DGKI: variants seen among roughly 807,000 people sequenced by gnomAD.
DGKI encodes diacylglycerol kinase iota, also known as DAG kinase iota.
Under a neutral mutation model 147.5 loss-of-function variants are expected in DGKI, and 55 were observed. The ratio of observed to expected loss-of-function variants is 0.37; its 90% confidence interval spans 0.30 to 0.47. The LOEUF is 0.47. DGKI is among the 20% of genes least tolerant of loss of function. The pLI is 1.00. For missense variants in DGKI, 1,007 were observed against 1,323.8 expected (o/e 0.76, Z 3.71); for synonymous variants, 469 against 477.1 (o/e 0.98, Z 0.22).
chr7:137,713,268 G>T (rs1202526742), intron 1 of DGKI, among the ~76,000 whole-genome samples: 7 of 152,146 alleles, frequency 4.6e-5, no homozygotes, highest in Non-Finnish European at 7.3e-5. Flanking sequence ...CCTGGCTCCA[G>T]CTTGGAATTA....
At chr7:137,810,559 T>C (rs762225128) in intron 1 of DGKI, among the ~76,000 whole-genome samples, 1 of 152,156 alleles carries the variant, frequency 6.6e-6, no homozygotes, top group Non-Finnish European at 1.5e-5. Context: ...CTATGGATCA[T>C]TGTGTTAGTC....
At chr7:137,531,065 T>C (rs1420918038) in intron 20 of DGKI, among the ~76,000 whole-genome samples, 1 of 152,200 alleles carries the variant, frequency 6.6e-6, no homozygotes, top group African/African-American at 2.4e-5. Context: ...ATACACTCTT[T>C]GTACATTCTT....
intron 10 of DGKI, among the ~76,000 whole-genome samples, chr7:137,608,687 C>A (rs1041523797): frequency 3.9e-5 from 6 of 152,112 alleles, no homozygotes; most frequent in Non-Finnish European, 5.9e-5. Flanking sequence ...TCTAGAATAT[C>A]CTTTCTTGAA....
chr7:137,457,563 G>A (rs930220355), intron 27 of DGKI, among the ~76,000 whole-genome samples: 4 of 152,196 alleles, frequency 2.6e-5, no homozygotes, highest in East Asian at 3.9e-4. Context: ...GGAGGTCTCC[G>A]GGCTTTATCT....
At chr7:137,393,599 T>C (rs959057973) in intron 32 of DGKI, among the ~76,000 whole-genome samples, 4 of 152,198 alleles carry the variant, frequency 2.6e-5, no homozygotes, top group Non-Finnish European at 4.4e-5. Flanking sequence ...GGGAAGAACA[T>C]CACATTGAGA....
chr7:137,466,350 G>A (rs1528098), intron 25 of DGKI, among the ~76,000 whole-genome samples: 24,685 of 152,242 alleles, frequency 0.16, 4,222 homozygotes, highest in African/African-American at 0.44. Context: ...GGAGTGTATG[G>A]TAAGTGGACT....
chr7:137,391,096 G>T lies in DGKI; in HGVS notation c.*124C>A. 2.5e-6 allele frequency: 2 copies of T among 799,414 alleles called. No homozygotes were observed. Among genetic ancestry groups the T allele is most frequent in the Non-Finnish European group, 4.4e-6 (2 of 457,796 alleles). 49.5% of individuals were successfully genotyped at this position (799,414 alleles called of 1,614,324 possible). A position where few individuals can be genotyped will look rare whatever the true frequency, so the allele number is the denominator to read the frequency against. On this transcript the variant is annotated 3_prime_UTR_variant, in exon 33 of 33. Coordinates refer to ENST00000614521, the MANE Select transcript of DGKI (RefSeq NM_001321708.2). ...TTAAAAGCTAGTGGCATGGTCTCAGGTAGATTCTTGCAGGAGAGAGACAGA... is the reference window on the plus strand; with the variant it reads ...TTAAAAGCTAGTGGCATGGTCTCAGTTAGATTCTTGCAGGAGAGAGACAGA...
At chr7:137,702,051 G>C (rs1331925210) in intron 1 of DGKI, among the ~76,000 whole-genome samples, 1 of 152,120 alleles carries the variant, frequency 6.6e-6, no homozygotes. Flanking sequence ...ATCCAATGGA[G>C]AGAAGGTCTT....
At chr7:137,695,871 C>T (rs1028687151) in intron 1 of DGKI, among the ~76,000 whole-genome samples, 1 of 152,182 alleles carries the variant, frequency 6.6e-6, no homozygotes, top group African/African-American at 2.4e-5. Context: ...CCTTACCTTA[C>T]CAATTAATGG....
chr7:137,787,954 G>A (rs1424600282), intron 1 of DGKI, among the ~76,000 whole-genome samples: 3 of 152,102 alleles, frequency 2.0e-5, no homozygotes, highest in Admixed American at 1.3e-4. Flanking sequence ...CTGCTCAAGT[G>A]ATGGTGCACC....
chr7:137,831,927 G>C (rs2117073375), intron 1 of DGKI, among the ~76,000 whole-genome samples: 1 of 152,364 alleles, frequency 6.6e-6, no homozygotes, highest in Middle Eastern at 3.4e-3. Flanking sequence ...GGCCAAAACA[G>C]AGGGGCAACA....
chr7:137,788,274 G>A (rs367763799), intron 1 of DGKI, among the ~76,000 whole-genome samples: 2 of 151,994 alleles, frequency 1.3e-5, no homozygotes, highest in East Asian at 1.9e-4. Flanking sequence ...CTACTGGACG[G>A]TCCAACTTGA....
At chr7:137,466,154 TC>T in intron 25 of DGKI, 119 bp from the exon 26 acceptor site, 3 of 1,261,192 alleles carry the variant, frequency 2.4e-6, no homozygotes, top group Non-Finnish European at 3.3e-6. Flanking sequence ...AGAAGCTTGA[TC>T]AGTTGGTGAT....
At chr7:137,784,239 A>G (rs1796601085) in intron 1 of DGKI, among the ~76,000 whole-genome samples, 1 of 152,198 alleles carries the variant, frequency 6.6e-6, no homozygotes, top group South Asian at 2.1e-4. Context: ...CACCTGACAC[A>G]TAAGGACTCA....
At chr7:137,657,371 G>T (rs752312367) in intron 3 of DGKI, among the ~76,000 whole-genome samples, 1 of 152,000 alleles carries the variant, frequency 6.6e-6, no homozygotes, top group Non-Finnish European at 1.5e-5. Flanking sequence ...TACACAATTC[G>T]GCCTCTCTGA....
intron 23 of DGKI, among the ~76,000 whole-genome samples, chr7:137,479,716 T>A (rs1176451491): frequency 6.6e-6 from 1 of 152,196 alleles, no homozygotes; most frequent in Non-Finnish European, 1.5e-5. Context: ...AAAAGTTCTA[T>A]GGCTTGGGAA....
intron 14 of DGKI, among the ~76,000 whole-genome samples, chr7:137,584,166 A>C (rs1020153896): frequency 6.6e-6 from 1 of 152,192 alleles, no homozygotes; most frequent in South Asian, 2.1e-4. Flanking sequence ...GGTTCACTAT[A>C]ATTGGGATAC....
chr7:137,776,869 TAATAATCAATTGTA>T (rs1464225569), intron 1 of DGKI, among the ~76,000 whole-genome samples: 7 of 151,728 alleles, frequency 4.6e-5, no homozygotes, highest in African/African-American at 1.7e-4. Context: ...AGTAATGAGA[TAATAATCAATTGTA>T]AGAAAAGGCC....
At chr7:137,567,903 G>A (rs1023602201) in intron 19 of DGKI, among the ~76,000 whole-genome samples, 8 of 152,012 alleles carry the variant, frequency 5.3e-5, no homozygotes, top group African/African-American at 1.9e-4. Context: ...TTGTATATAC[G>A]TAATGTCTAG....
Sources: allele counts gnomAD v4.1 joint callset (sites outside exome capture counted in the v4.1 genomes callset), GRCh38; gene constraint gnomAD v4.1.1; transcripts MANE v1.5; gene names NCBI Gene and HGNC (gene_info 2026-07-23, HGNC 2026-07-21).